The following PPP2R3A variants were observed in gnomAD, a reference collection of about 807,000 sequenced individuals.
PPP2R3A encodes protein phosphatase 2 regulatory subunit B''alpha.
In PPP2R3A, 80 loss-of-function variants were observed where a neutral mutation model predicts 106.9. The observed-to-expected ratio is 0.75, with a 90% CI of 0.62 to 0.90. The LOEUF is 0.90. Among genes scored for constraint, PPP2R3A ranks in the 40% least tolerant of loss-of-function variants. The probability of loss-of-function intolerance (pLI) is 0.00; values close to 1 mark genes in which losing one functional copy is unlikely to be tolerated. For synonymous variants in PPP2R3A, 483 were observed against 468.3 expected (o/e 1.03, Z -0.41); for missense variants, 1,386 against 1,350.4 (o/e 1.03, Z -0.41).
chr3:136,021,481 T>A (rs1444122817), intron 2 of PPP2R3A, among the ~76,000 whole-genome samples: 1 of 152,104 alleles, frequency 6.6e-6, no homozygotes, highest in East Asian at 1.9e-4. Context: ...TAGAAAGAGT[T>A]GTCAGAATGT....
chr3:136,139,019 T>C (rs560225385), intron 13 of PPP2R3A, among the ~76,000 whole-genome samples: 133 of 152,144 alleles, frequency 8.7e-4, no homozygotes, highest in African/African-American at 2.8e-3. Flanking sequence ...GGCCAAAATA[T>C]TGAACATTTT....
At chr3:136,104,421 C>G (rs1436725015) in intron 12 of PPP2R3A, among the ~76,000 whole-genome samples, 1 of 152,078 alleles carries the variant, frequency 6.6e-6, no homozygotes, top group East Asian at 1.9e-4. Context: ...ATTCTCCTGC[C>G]TCAGTCTCCT....
At chr3:136,026,789 C>G (rs767508778) in intron 2 of PPP2R3A, 43 bp from the exon 3 acceptor site, 8 of 1,518,828 alleles carry the variant, frequency 5.3e-6, no homozygotes, top group Non-Finnish European at 7.1e-6. Context: ...TAAATGAATA[C>G]TGTTTAAATT....
Position 136,003,265 on chromosome 3 carries a change from C to T in PPP2R3A, c.1767C>T (p.Ala589=). 1 of 1,613,730 alleles carries T rather than the reference C, an allele frequency of 6.2e-7. No individual in the cohort carries two copies. The highest frequency in any genetic ancestry group is 8.5e-7 in the Non-Finnish European group (1 of 1,179,852). ...ACAAAATAGAGGAAGAGGATCGAGC[C>T]CTCTTACTGCGAATCCTGGAAAGCA... ...NGHKIEEEDR[A]LLLRILESIE... Residue 589 remains alanine, a synonymous_variant, in exon 2 of 14, where the codon GCC becomes GCT. Transcript: ENST00000264977.
chr3:135,984,130 CCCTT>C (rs58184041), intron 1 of PPP2R3A, among the ~76,000 whole-genome samples: 1,663 of 152,248 alleles, frequency 0.011, 27 homozygotes, highest in African/African-American at 0.037. Context: ...CCCTTCCTTT[CCCTT>C]CCTTCTCTTT....
intron 13 of PPP2R3A, among the ~76,000 whole-genome samples, chr3:136,117,860 TCC>T (rs1229823389): frequency 4.6e-5 from 7 of 152,310 alleles, no homozygotes; most frequent in Non-Finnish European, 1.0e-4. Flanking sequence ...GAGGGAATCC[TCC>T]TTAACTGATT....
intron 13 of PPP2R3A, among the ~76,000 whole-genome samples, chr3:136,137,278 T>C (rs1035383546): frequency 4.6e-5 from 7 of 152,006 alleles, no homozygotes; most frequent in African/African-American, 1.4e-4. Context: ...AAATGGAAAA[T>C]ATAAAGAGAT....
At chr3:135,991,547 C>G (rs1243912493) in intron 1 of PPP2R3A, among the ~76,000 whole-genome samples, 1 of 147,066 alleles carries the variant, frequency 6.8e-6, no homozygotes, top group Non-Finnish European at 1.5e-5. Context: ...AGATTACATG[C>G]ATTAAATATT....
At chr3:136,040,805 G>A (rs750952148) in intron 3 of PPP2R3A, 54 bp from the exon 4 acceptor site, 385 of 1,434,954 alleles carry the variant, frequency 2.7e-4, no homozygotes, top group African/African-American at 5.9e-4. Context: ...TTCTTTGGCC[G>A]TGTCATCTCT....
intron 3 of PPP2R3A, among the ~76,000 whole-genome samples, chr3:136,030,870 A>G (rs1934863242): frequency 6.6e-6 from 1 of 150,622 alleles, no homozygotes; most frequent in African/African-American, 2.5e-5. Flanking sequence ...CCATTTGTTG[A>G]TTGATGGGCA....
intron 7 of PPP2R3A, chr3:136,079,043 T>G (rs1214439277): frequency 3.0e-6 from 1 of 329,422 alleles, no homozygotes; most frequent in Admixed American, 3.6e-5. Context: ...TGTTCACACT[T>G]GGAAGAAAAT....
At chr3:136,123,581 G>C (rs139243574) in intron 13 of PPP2R3A, among the ~76,000 whole-genome samples, 1 of 151,982 alleles carries the variant, frequency 6.6e-6, no homozygotes. Flanking sequence ...TTTATAAATA[G>C]GGTTCTTCAA....
In PPP2R3A at chr3:136,106,209, C is replaced by T; in HGVS notation, c.3223-7C>T. 6.3e-7 allele frequency: 1 copy of T among 1,597,420 alleles called. No individual in the cohort carries two copies. The highest frequency in any genetic ancestry group is 2.2e-5 in the East Asian group (1 of 44,572). ...TTATTTCTCGTGGCTGTCTTCTTTC[C>T]AATCAGGATGTTGAGAACGATGGGC... On this transcript the variant is annotated splice_polypyrimidine_tract_variant and splice_region_variant and intron_variant, in intron 12 of 13. Coordinates refer to ENST00000264977, the MANE Select transcript of PPP2R3A (RefSeq NM_002718.5).
At chr3:136,004,462 C>G (rs1933773361) in intron 2 of PPP2R3A, among the ~76,000 whole-genome samples, 1 of 152,136 alleles carries the variant, frequency 6.6e-6, no homozygotes, top group Non-Finnish European at 1.5e-5. Flanking sequence ...TGCCTTGTCC[C>G]AAACTTGGAC....
intron 6 of PPP2R3A, among the ~76,000 whole-genome samples, chr3:136,073,390 C>T (rs1279450262): frequency 6.6e-6 from 1 of 152,106 alleles, no homozygotes; most frequent in South Asian, 2.1e-4. Context: ...ACTACACTGG[C>T]GAATTAATAG....
chr3:135,972,782 AT>A (rs1230108764), intron 1 of PPP2R3A, among the ~76,000 whole-genome samples: 4 of 152,148 alleles, frequency 2.6e-5, no homozygotes, highest in Admixed American at 2.6e-4. Context: ...TCTTTTATCA[AT>A]TTTTTAATTG....
intron 10 of PPP2R3A, among the ~76,000 whole-genome samples, chr3:136,101,677 C>T (rs1937363575): frequency 6.6e-6 from 1 of 152,182 alleles, no homozygotes; most frequent in Admixed American, 6.5e-5. Flanking sequence ...CTGCCCACCT[C>T]AGTCTCCCAA....
At chr3:136,097,890 T>A (rs1434929700) in intron 10 of PPP2R3A, among the ~76,000 whole-genome samples, 2 of 152,202 alleles carry the variant, frequency 1.3e-5, no homozygotes, top group Non-Finnish European at 2.9e-5. Context: ...TTATGAGATG[T>A]AACTCTTCAA....
chr3:136,009,457 G>C (rs956680918), intron 2 of PPP2R3A, among the ~76,000 whole-genome samples: 8 of 152,104 alleles, frequency 5.3e-5, no homozygotes, highest in Admixed American at 2.0e-4. Context: ...TCTTGCCACT[G>C]TTCGAGTGTT....
Sources: allele counts gnomAD v4.1 joint callset (sites outside exome capture counted in the v4.1 genomes callset), GRCh38; gene constraint gnomAD v4.1.1; transcripts MANE v1.5; gene names NCBI Gene and HGNC (gene_info 2026-07-23, HGNC 2026-07-21).